Variants in TRIM9 observed in about 807,000 individuals in gnomAD.
TRIM9 encodes tripartite motif containing 9, also known as E3 ubiquitin-protein ligase TRIM9.
Under a neutral mutation model 78.3 loss-of-function variants are expected in TRIM9, and 26 were observed. The observed-to-expected ratio is 0.33, with a 90% confidence interval of 0.24 to 0.46. The LOEUF (loss-of-function observed/expected upper bound fraction) is 0.46. Ranked by LOEUF, TRIM9 falls within the 20% of genes least tolerant of loss-of-function variation. The probability of loss-of-function intolerance (pLI) is 1.00; values close to 1 mark genes in which losing one functional copy is unlikely to be tolerated. For missense variants in TRIM9, 787 were observed against 1,036.4 expected (o/e 0.76, Z 3.30); for synonymous variants, 398 against 416.5 (o/e 0.96, Z 0.54).
At chr14:51,005,921 G>A (rs1474027794) in intron 5 of TRIM9, among the ~76,000 whole-genome samples, 1 of 152,140 alleles carries the variant, frequency 6.6e-6, no homozygotes, top group East Asian at 1.9e-4. Context: ...TAATAAGAGA[G>A]TAAAACTTTA....
At chr14:51,053,090 G>A (rs2060562785) in intron 1 of TRIM9, among the ~76,000 whole-genome samples, 1 of 151,532 alleles carries the variant, frequency 6.6e-6, no homozygotes, top group Non-Finnish European at 1.5e-5. Context: ...AGCCCAGGAG[G>A]TGGAGGTTAC....
Position 50,982,122 on chromosome 14 carries a change from A to C in TRIM9, c.1859-19T>G. On this transcript the variant is annotated intron_variant, in intron 10 of 12. Transcript: ENST00000684578. The stretch of plus-strand genomic sequence containing the variant: ...CAGGCCACTGGGAACAACAGAAGGG[A>C]ATCAGGTTATTAAGACAGACCCAAC... 9 of 1,612,226 alleles carry C rather than the reference A, an allele frequency of 5.6e-6. No homozygotes were observed. The highest frequency in any genetic ancestry group is 7.6e-6 in the Non-Finnish European group (9 of 1,178,658).
At chr14:51,085,555 T>C (rs1296068710) in intron 1 of TRIM9, among the ~76,000 whole-genome samples, 2 of 152,262 alleles carry the variant, frequency 1.3e-5, no homozygotes, top group Non-Finnish European at 2.9e-5. Flanking sequence ...GGAATACGCA[T>C]ATTTTCTTTT....
At chr14:51,081,944 G>A (rs1317137144) in intron 1 of TRIM9, among the ~76,000 whole-genome samples, 2 of 152,152 alleles carry the variant, frequency 1.3e-5, no homozygotes, top group East Asian at 1.9e-4. Flanking sequence ...AGTTTTTATA[G>A]AACTCAATCT....
In TRIM9 at chr14:51,094,526, A is replaced by G; in HGVS notation, c.414T>C (p.Asp138=). The part of the protein sequence containing the change: ...CPQCHRSLIL[D]DRGLRGFPKN... ...TGGGGAAGCCGCGGAGCCCCCGGTC[A>G]TCCAGGATGAGGCTGCGGTGACACT... Residue 138 remains aspartate, a synonymous_variant, in exon 1 of 13, where the codon GAT becomes GAC. Coordinates refer to ENST00000684578, the MANE Select transcript of TRIM9 (RefSeq NM_001387360.1). 6.2e-7 allele frequency: 1 copy of G among 1,613,566 alleles called. No individual in the cohort carries two copies. Among genetic ancestry groups the G allele is most frequent in the East Asian group, 2.2e-5 (1 of 44,874 alleles).
chr14:51,018,373 T>G (rs1017740596), intron 3 of TRIM9, among the ~76,000 whole-genome samples: 1 of 151,898 alleles, frequency 6.6e-6, no homozygotes, highest in Non-Finnish European at 1.5e-5. Context: ...CCCCTTTCTT[T>G]CTTTCTTTCC....
chr14:51,060,951 GCTA>G (rs1442407978), intron 1 of TRIM9, among the ~76,000 whole-genome samples: 1 of 152,170 alleles, frequency 6.6e-6, no homozygotes, highest in South Asian at 2.1e-4. Flanking sequence ...TCTAACATTT[GCTA>G]CTGTGAGTCT....
chr14:51,019,216 C>A (rs935434796), intron 3 of TRIM9, among the ~76,000 whole-genome samples: 3 of 152,196 alleles, frequency 2.0e-5, no homozygotes, highest in African/African-American at 7.2e-5. Flanking sequence ...GTCCAGTGTG[C>A]TCTGCTCACT....
chr14:51,007,207 T>C (rs2055926138), intron 5 of TRIM9, among the ~76,000 whole-genome samples: 1 of 152,200 alleles, frequency 6.6e-6, no homozygotes, highest in Admixed American at 6.5e-5. Flanking sequence ...TGCTCTTTTG[T>C]GACATATTTT....
chr14:51,055,857 CTT>C (rs2060857419), intron 1 of TRIM9, among the ~76,000 whole-genome samples: 1 of 152,112 alleles, frequency 6.6e-6, no homozygotes, highest in African/African-American at 2.4e-5. Context: ...TACAATATAA[CTT>C]GCACAAATTT....
chr14:50,983,614 A>G (rs2052296533), intron 8 of TRIM9, among the ~76,000 whole-genome samples, 193 bp from the exon 9 acceptor site: 1 of 152,240 alleles, frequency 6.6e-6, no homozygotes, highest in Non-Finnish European at 1.5e-5. Context: ...TGAAAAGCAC[A>G]TCTTTTTACC....
intron 1 of TRIM9, among the ~76,000 whole-genome samples, chr14:51,046,058 G>C (rs1276751544): frequency 6.6e-6 from 1 of 151,542 alleles, no homozygotes. Flanking sequence ...AAAGCAAATT[G>C]CAATACGATA....
chr14:51,015,500 CTTTTCTTTTTTT>C (rs2057073295), intron 3 of TRIM9, among the ~76,000 whole-genome samples: 3 of 103,478 alleles, frequency 2.9e-5, no homozygotes, highest in Non-Finnish European at 5.8e-5. Flanking sequence ...TCTTTCTTTA[CTTTTCTTTTTTT>C]TTTTTTTTTT....
chr14:51,084,546 T>G (rs544845887), intron 1 of TRIM9, among the ~76,000 whole-genome samples: 9 of 152,194 alleles, frequency 5.9e-5, no homozygotes, highest in Non-Finnish European at 1.3e-4. Flanking sequence ...GTCAATAAAA[T>G]CAATAATAGC....
chr14:51,061,067 C>T (rs537833545), intron 1 of TRIM9, among the ~76,000 whole-genome samples: 1 of 152,250 alleles, frequency 6.6e-6, no homozygotes, highest in East Asian at 1.9e-4. Context: ...TCCTTAATGG[C>T]ATTCCTACAT....
chr14:50,987,416 T>C (rs2275460), intron 7 of TRIM9, among the ~76,000 whole-genome samples: 19,447 of 152,232 alleles, frequency 0.13, 1,712 homozygotes, highest in East Asian at 0.3. Flanking sequence ...ACTTACAATA[T>C]TAAAGTTAGC....
intron 1 of TRIM9, among the ~76,000 whole-genome samples, chr14:51,063,858 C>T (rs565549665): frequency 9.2e-5 from 14 of 152,042 alleles, no homozygotes; most frequent in South Asian, 4.2e-4. Flanking sequence ...TAGTGTCAAG[C>T]GGATTGAAAC....
At chr14:51,027,328 G>A (rs776696007) in intron 1 of TRIM9, among the ~76,000 whole-genome samples, 9 of 151,968 alleles carry the variant, frequency 5.9e-5, no homozygotes, top group Non-Finnish European at 8.8e-5. Flanking sequence ...ATTTTTAGTA[G>A]AGATGGGGTT....
intron 11 of TRIM9, among the ~76,000 whole-genome samples, chr14:50,980,695 A>G (rs1022805538): frequency 6.6e-6 from 1 of 152,250 alleles, no homozygotes; most frequent in Admixed American, 6.5e-5. Flanking sequence ...CTGAGAATCT[A>G]TTGACAGAGA....
Sources: allele counts gnomAD v4.1 joint callset (sites outside exome capture counted in the v4.1 genomes callset), GRCh38; gene constraint gnomAD v4.1.1; transcripts MANE v1.5; gene names NCBI Gene and HGNC (gene_info 2026-07-23, HGNC 2026-07-21).